The following BCO1 variants were observed in gnomAD, a reference collection of about 807,000 sequenced individuals.
BCO1 encodes beta,beta-carotene 15,15'-dioxygenase.
In BCO1, 54 loss-of-function variants were observed where a neutral mutation model predicts 56.3. The observed-to-expected ratio is 0.96, with a 90% CI of 0.77 to 1.20. The LOEUF (loss-of-function observed/expected upper bound fraction) is 1.20. Among genes scored for constraint, BCO1 ranks in the 50% most tolerant of loss-of-function variants. BCO1 has a pLI of 0.00. For missense variants in BCO1, 801 were observed against 690.9 expected, an observed-to-expected ratio of 1.16 and a Z score of -1.79; for synonymous variants, 318 against 266.1, an observed-to-expected ratio of 1.20 and a Z score of -1.90.
At chr16:81,264,523 A>G (rs1906687233) in intron 4 of BCO1, 117 bp from the exon 5 acceptor site, 3 of 1,235,100 alleles carry the variant, frequency 2.4e-6, no homozygotes, top group Non-Finnish European at 2.4e-6. Context: ...TGAACCTAGA[A>G]TCAGTCACGT....
At chr16:81,240,304 T>C (rs181640655) in intron 1 of BCO1, among the ~76,000 whole-genome samples, 10 of 152,318 alleles carry the variant, frequency 6.6e-5, no homozygotes, top group African/African-American at 1.4e-4. Flanking sequence ...GATCAATTGA[T>C]AGATTACTAT....
Position 81,262,261 on chromosome 16 carries a change from A to G in BCO1, c.449A>G (p.Gln150Arg). 1 of 1,613,668 alleles carries G rather than the reference A, an allele frequency of 6.2e-7. No individual in the cohort carries two copies. Among genetic ancestry groups the G allele is most frequent in the East Asian group, 2.2e-5 (1 of 44,872 alleles). The change falls in exon 4 of 11, where the codon CAG becomes CGG. Residue 150 changes from glutamine to arginine, a missense_variant. Coordinates refer to ENST00000258168, the MANE Select transcript of BCO1 (RefSeq NM_017429.3). Reference sequence around the variant, plus strand: ...AATTACATCAGGAAAATCAACCCACAGACTCTGGAAACCCTGGAGAAGGTA... The same window carrying G: ...AATTACATCAGGAAAATCAACCCACGGACTCTGGAAACCCTGGAGAAGGTA... ...ETNYIRKINP[Q>R]TLETLEKVDY... is the part of the protein sequence containing the mutation.
At chr16:81,252,747 C>T (rs182687876) in intron 2 of BCO1, among the ~76,000 whole-genome samples, 1 of 152,316 alleles carries the variant, frequency 6.6e-6, no homozygotes, top group Non-Finnish European at 1.5e-5. Context: ...TGGCCTTGCT[C>T]ACCCACAGAT....
Position 81,264,637 on chromosome 16 carries a change from C to T in BCO1, c.472-3C>T, listed in dbSNP as rs1906695470. 6.2e-7 allele frequency: 1 copy of T among 1,613,918 alleles called. No homozygotes were observed. Among genetic ancestry groups the T allele is most frequent in the Non-Finnish European group, 8.5e-7 (1 of 1,179,790 alleles). On this transcript the variant is annotated splice_polypyrimidine_tract_variant and splice_region_variant and intron_variant, in intron 4 of 10. Transcript: ENST00000258168. ...AAAAAACAGGAGGTGTCATATCTTG[C>T]AGGTTGATTATCGTAAATACGTGGC...
Position 81,270,358 on chromosome 16 carries a change from C to G in BCO1, c.1043C>G (p.Ser348Cys). 2 of 1,614,112 alleles carry G rather than the reference C, an allele frequency of 1.2e-6. No homozygotes were observed. The highest frequency in any genetic ancestry group is 1.7e-6 in the Non-Finnish European group (2 of 1,180,020). The change falls in exon 7 of 11, where the codon TCC becomes TGC. Residue 348 changes from serine to cysteine, a missense_variant. By Grantham distance (112) the Ser-to-Cys change is moderately radical. Coordinates refer to ENST00000258168, the MANE Select transcript of BCO1 (RefSeq NM_017429.3). Reference sequence around the variant, plus strand: ...CTGAACCAGGACTTCAAGGAGAACTCCAGGCTCACCTCGGTCCCCACCCTC... The same window carrying G: ...CTGAACCAGGACTTCAAGGAGAACTGCAGGCTCACCTCGGTCCCCACCCTC... ...ANLNQDFKENSRLTSVPTLRR... is the reference protein window; with the variant it reads ...ANLNQDFKENCRLTSVPTLRR...
intron 1 of BCO1, among the ~76,000 whole-genome samples, chr16:81,244,848 C>A (rs1218021336): frequency 1.3e-5 from 2 of 151,688 alleles, no homozygotes; most frequent in East Asian, 3.9e-4. Context: ...ACCTCCCAAG[C>A]AGCTGGGACT....
intron 7 of BCO1, among the ~76,000 whole-genome samples, chr16:81,276,709 C>T (rs1220715988): frequency 6.6e-6 from 1 of 152,192 alleles, no homozygotes; most frequent in Non-Finnish European, 1.5e-5. Context: ...TGTTATTGTA[C>T]ACTTGAAATG....
At chr16:81,243,176 A>G (rs11648958) in intron 1 of BCO1, among the ~76,000 whole-genome samples, 51,044 of 151,942 alleles carry the variant, frequency 0.34, 8,726 homozygotes, top group East Asian at 0.37. Flanking sequence ...GTTGCGCAAC[A>G]TTGTGAATAC....
chr16:81,289,485 AC>A (rs1349742705), intron 10 of BCO1, among the ~76,000 whole-genome samples: 5 of 152,160 alleles, frequency 3.3e-5, no homozygotes, highest in African/African-American at 1.2e-4. Flanking sequence ...GACAAAAAAT[AC>A]AAAAATTAGC....
At chr16:81,271,968 A>G (rs1386072185) in intron 7 of BCO1, among the ~76,000 whole-genome samples, 1 of 152,012 alleles carries the variant, frequency 6.6e-6, no homozygotes, top group Non-Finnish European at 1.5e-5. Context: ...GCCGGTCTTG[A>G]ACTCCTGAAC....
chr16:81,256,901 A>AT (rs954371982), intron 2 of BCO1, among the ~76,000 whole-genome samples: 5 of 152,056 alleles, frequency 3.3e-5, no homozygotes, highest in African/African-American at 1.2e-4. Context: ...AAGAAAAAAA[A>AT]AAAGTTATCA....
At chr16:81,254,779 C>T (rs1906025111) in intron 2 of BCO1, among the ~76,000 whole-genome samples, 1 of 152,150 alleles carries the variant, frequency 6.6e-6, no homozygotes, top group South Asian at 2.1e-4. Context: ...ATGAGGCTAG[C>T]GTTCAGGGGG....
At chr16:81,244,713 CT>C (rs1355548312) in intron 1 of BCO1, among the ~76,000 whole-genome samples, 1 of 132,570 alleles carries the variant, frequency 7.5e-6, no homozygotes, top group African/African-American at 3.1e-5. Context: ...AGCGTTGCCC[CT>C]ATCTTTTTTT....
chr16:81,276,872 G>T (rs1164727398), intron 7 of BCO1, among the ~76,000 whole-genome samples: 1 of 151,954 alleles, frequency 6.6e-6, no homozygotes, highest in East Asian at 1.9e-4. Context: ...TTCAAGACCA[G>T]CTTGGCCAAC....
At chr16:81,247,085 T>A (rs1408636931) in intron 2 of BCO1, among the ~76,000 whole-genome samples, 1 of 152,156 alleles carries the variant, frequency 6.6e-6, no homozygotes, top group African/African-American at 2.4e-5. Context: ...CAGTTTATGC[T>A]ACAAAATCAA....
rs561459592 is a variant in BCO1 at position 81,252,775 on chromosome 16, G to A, written c.194-6901G>A. Among the ~76,000 whole-genome samples the A allele has an allele frequency of 7.5e-4, 114 of 152,250 alleles. 1 individual carries two copies. The highest frequency in any genetic ancestry group is 2.6e-3 in the African/African-American group (107 of 41,552). ...CCACAGATGAGTCCGCCTGCCACCC[G>A]GATTTTCTTGGACAATGCAGTTTCA... On this transcript the variant is annotated intron_variant, in intron 2 of 10. Coordinates refer to ENST00000258168, the MANE Select transcript of BCO1 (RefSeq NM_017429.3).
chr16:81,254,538 C>T (rs897480756), intron 2 of BCO1, among the ~76,000 whole-genome samples: 2 of 150,442 alleles, frequency 1.3e-5, no homozygotes, highest in Non-Finnish European at 3.0e-5. Flanking sequence ...GCCAGGACAA[C>T]AAGCCTGAGC....
At chr16:81,251,874 A>ATGTGTGTGTGTGTGTGCGTGTGTG (rs1905825790) in intron 2 of BCO1, among the ~76,000 whole-genome samples, 7 of 146,694 alleles carry the variant, frequency 4.8e-5, no homozygotes, top group African/African-American at 1.8e-4. Context: ...ACACACATAT[A>ATGTGTGTGTGTGTGTGCGTGTGTG]TGTGTGTGTG....
intron 7 of BCO1, among the ~76,000 whole-genome samples, chr16:81,277,654 T>C (rs1269394910): frequency 6.6e-6 from 1 of 152,186 alleles, no homozygotes; most frequent in Non-Finnish European, 1.5e-5. Flanking sequence ...GAATTTCATA[T>C]GGCAGGCAGC....
Sources: allele counts gnomAD v4.1 joint callset (sites outside exome capture counted in the v4.1 genomes callset), GRCh38; gene constraint gnomAD v4.1.1; transcripts MANE v1.5; gene names NCBI Gene and HGNC (gene_info 2026-07-23, HGNC 2026-07-21).